SCLT1: variants seen among roughly 807,000 people sequenced by gnomAD.
The protein encoded by SCLT1 is sodium channel and clathrin linker 1.
Under a neutral mutation model 112.8 loss-of-function variants are expected in SCLT1, and 78 were observed. The ratio of observed to expected loss-of-function variants is 0.69; its 90% CI spans 0.58 to 0.83. SCLT1 has a LOEUF of 0.83. SCLT1 is among the 40% of genes least tolerant of loss of function. SCLT1 has a pLI of 0.00. For missense variants in SCLT1, 747 were observed against 770.4 expected, an observed-to-expected ratio of 0.97 and a Z score of 0.36; for synonymous variants, 257 against 254.7, an observed-to-expected ratio of 1.01 and a Z score of -0.09.
At chr4:128,965,539 A>T (rs1043249644) in intron 10 of SCLT1, among the ~76,000 whole-genome samples, 2 of 152,226 alleles carry the variant, frequency 1.3e-5, no homozygotes, top group Non-Finnish European at 2.9e-5. Flanking sequence ...AAATACTCCA[A>T]ACAGTTATTG....
intron 19 of SCLT1, among the ~76,000 whole-genome samples, chr4:128,890,577 A>G (rs1733231364): frequency 6.6e-6 from 1 of 152,188 alleles, no homozygotes; most frequent in African/African-American, 2.4e-5. Context: ...AAAAAGCCTC[A>G]ATCATAATCC....
chr4:128,891,774 A>G (rs1299774014), intron 18 of SCLT1, among the ~76,000 whole-genome samples: 1 of 151,410 alleles, frequency 6.6e-6, no homozygotes, highest in Non-Finnish European at 1.5e-5. Flanking sequence ...CCTCCCGAGT[A>G]GCTGGGACTA....
At chr4:129,034,904 C>T (rs996805025) in intron 5 of SCLT1, among the ~76,000 whole-genome samples, 4 of 152,092 alleles carry the variant, frequency 2.6e-5, no homozygotes, top group African/African-American at 7.2e-5. Context: ...CCACAAGCTA[C>T]AGTTTGTGAA....
chr4:128,905,239 T>C (rs1734604688), intron 18 of SCLT1, among the ~76,000 whole-genome samples: 1 of 152,178 alleles, frequency 6.6e-6, no homozygotes, highest in African/African-American at 2.4e-5. Context: ...GGCATCATCT[T>C]TGATTCCTCC....
chr4:128,999,785 G>A lies in SCLT1; in HGVS notation c.436C>T (p.Gln146Ter). The stretch of plus-strand genomic sequence containing the variant: ...ACAGTCTGCCAGAGTTCCACAGCCT[G>A]AGTTTTTTCCTATTAAAAAAGTTTG... ...QLQLANQEKTQAVELWQTVSQ... is the reference protein window; with the variant it reads ...QLQLANQEKT The change falls in exon 7 of 21, where the codon CAG (glutamine) becomes TAG (stop). Residue 146 changes from glutamine (Q) to a stop codon, truncating the protein, a stop_gained. Coordinates refer to ENST00000281142, the MANE Select transcript of SCLT1 (RefSeq NM_144643.4). LOFTEE classifies it high-confidence loss of function. 6.3e-7 allele frequency: 1 copy of A among 1,596,856 alleles called. No individual in the cohort carries two copies. Among genetic ancestry groups the A allele is most frequent in the Non-Finnish European group, 8.5e-7 (1 of 1,171,806 alleles).
At chr4:129,054,740 C>T (rs1383644854) in intron 2 of SCLT1, among the ~76,000 whole-genome samples, 2 of 152,074 alleles carry the variant, frequency 1.3e-5, no homozygotes, top group Admixed American at 6.6e-5. Flanking sequence ...CCCTCTGAAG[C>T]CTACTTCTGT....
At chr4:128,949,217 G>GT (rs77768210) in intron 14 of SCLT1, among the ~76,000 whole-genome samples, 2,634 of 100,674 alleles carry the variant, frequency 0.026, 48 homozygotes, top group African/African-American at 0.057. Context: ...TGTATGGCTT[G>GT]TTTTTTTTTT....
intron 1 of SCLT1, among the ~76,000 whole-genome samples, chr4:129,083,186 G>GAAAAAAAAAA (rs10651058): frequency 2.4e-5 from 2 of 84,514 alleles, no homozygotes; most frequent in Non-Finnish European, 2.1e-5. Flanking sequence ...GTGAGACTCT[G>GAAAAAAAAAA]AAAAAAAAAA....
chr4:128,951,918 C>T (rs995388428), intron 14 of SCLT1, among the ~76,000 whole-genome samples: 4 of 152,024 alleles, frequency 2.6e-5, no homozygotes, highest in South Asian at 2.1e-4. Flanking sequence ...TGTAGAATGG[C>T]GAAAGAAAAT....
chr4:129,008,170 T>C (rs912535715), intron 5 of SCLT1, among the ~76,000 whole-genome samples: 1 of 152,226 alleles, frequency 6.6e-6, no homozygotes, highest in Admixed American at 6.5e-5. Context: ...TTCCAAACTT[T>C]ATTCTAGGAT....
intron 18 of SCLT1, among the ~76,000 whole-genome samples, chr4:128,894,054 C>G (rs1733537824): frequency 6.6e-6 from 1 of 152,118 alleles, no homozygotes; most frequent in Admixed American, 6.5e-5. Context: ...GTCCTCTTGC[C>G]TCAGCCTCCT....
chr4:128,958,945 C>A (rs1353718580), intron 12 of SCLT1, among the ~76,000 whole-genome samples: 1 of 152,106 alleles, frequency 6.6e-6, no homozygotes, highest in African/African-American at 2.4e-5. Context: ...TACCCGTATT[C>A]TGCATATACT....
At chr4:129,063,079 CTTTT>C (rs1322725460) in intron 2 of SCLT1, among the ~76,000 whole-genome samples, 2 of 152,196 alleles carry the variant, frequency 1.3e-5, no homozygotes, top group African/African-American at 2.4e-5. Flanking sequence ...TTTCAATCTT[CTTTT>C]TTTCTTGTCT....
chr4:129,023,707 A>G (rs1295821673), intron 5 of SCLT1, among the ~76,000 whole-genome samples: 1 of 152,176 alleles, frequency 6.6e-6, no homozygotes, highest in East Asian at 1.9e-4. Flanking sequence ...GGTGCAGTGC[A>G]CTGTGTGCGA....
intron 18 of SCLT1, among the ~76,000 whole-genome samples, chr4:128,927,103 A>T (rs887132950): frequency 6.6e-6 from 1 of 152,114 alleles, no homozygotes; most frequent in African/African-American, 2.4e-5. Flanking sequence ...TATATTTTGA[A>T]TTACACTAAA....
chr4:128,910,387 A>G (rs759202977), intron 18 of SCLT1, among the ~76,000 whole-genome samples: 11 of 152,350 alleles, frequency 7.2e-5, no homozygotes, highest in African/African-American at 9.6e-5. Context: ...GGAGATTTGC[A>G]TCGATACTTT....
rs551950092 is a variant in SCLT1 at position 129,012,564 on chromosome 4, G to A, written c.291-8688C>T. Reference sequence around the variant, plus strand: ...TGATCCACTGTTGGGTTCAGGTCCTGAATATCTTTGTTAATTTTCTCTCTT... The same window carrying A: ...TGATCCACTGTTGGGTTCAGGTCCTAAATATCTTTGTTAATTTTCTCTCTT... On this transcript the variant is annotated intron_variant, in intron 5 of 20. Coordinates refer to ENST00000281142, the MANE Select transcript of SCLT1 (RefSeq NM_144643.4). 5.3e-5 allele frequency among the ~76,000 whole-genome samples: 8 copies of A among 152,234 alleles called. No homozygotes were observed. The South Asian group carries it at 1.7e-3, about 32-fold the overall frequency.
At chr4:129,090,533 T>C (rs138145448) in intron 1 of SCLT1, among the ~76,000 whole-genome samples, 242 of 152,322 alleles carry the variant, frequency 1.6e-3, no homozygotes, top group African/African-American at 5.6e-3. Flanking sequence ...TTTGCAGCCT[T>C]GGGTTAGGCA....
chr4:128,968,699 A>G (rs771649923), intron 10 of SCLT1, among the ~76,000 whole-genome samples: 1 of 152,168 alleles, frequency 6.6e-6, no homozygotes, highest in Non-Finnish European at 1.5e-5. Flanking sequence ...TCTTTTGAGC[A>G]TTAAATTTTT....
Sources: allele counts gnomAD v4.1 joint callset (sites outside exome capture counted in the v4.1 genomes callset), GRCh38; gene constraint gnomAD v4.1.1; transcripts MANE v1.5; gene names NCBI Gene and HGNC (gene_info 2026-07-23, HGNC 2026-07-21).